The following NAA15 variants were observed in gnomAD, a reference collection of about 807,000 sequenced individuals.
The protein encoded by NAA15 is N-terminal acetyltransferase.
Under a neutral mutation model 114.0 loss-of-function variants are expected in NAA15, and 34 were observed. The ratio of observed to expected loss-of-function variants is 0.30; its 90% CI spans 0.23 to 0.40. NAA15 has a LOEUF of 0.40. Among genes scored for constraint, NAA15 ranks in the 10% least tolerant of loss-of-function variants. The pLI is 1.00. For synonymous variants in NAA15, 340 were observed against 338.0 expected, an observed-to-expected ratio of 1.01 and a Z score of -0.06; for missense variants, 658 against 1,004.5, an observed-to-expected ratio of 0.66 and a Z score of 4.66.
At chr4:139,324,979 A>G (rs992626609) in intron 1 of NAA15, among the ~76,000 whole-genome samples, 2 of 152,232 alleles carry the variant, frequency 1.3e-5, no homozygotes, top group Non-Finnish European at 2.9e-5. Context: ...GGCATTGAAT[A>G]TAATTTCAAT....
chr4:139,312,659 C>CAT (rs1746260239), intron 1 of NAA15, among the ~76,000 whole-genome samples: 1 of 151,698 alleles, frequency 6.6e-6, no homozygotes, highest in South Asian at 2.1e-4. Context: ...GCCTGGGCAA[C>CAT]ATAGCAAGGC....
intron 15 of NAA15, among the ~76,000 whole-genome samples, chr4:139,372,707 T>C (rs1748475307): frequency 6.6e-6 from 1 of 152,016 alleles, no homozygotes; most frequent in Non-Finnish European, 1.5e-5. Flanking sequence ...TTCTGCAGTA[T>C]ATAGTATCTC....
intron 1 of NAA15, among the ~76,000 whole-genome samples, chr4:139,303,212 T>C (rs987597465): frequency 7.9e-5 from 12 of 152,246 alleles, no homozygotes; most frequent in African/African-American, 2.7e-4. Context: ...TTGTTTTGTT[T>C]TAAGACTAAG....
Position 139,301,627 on chromosome 4 carries a change from G to A in NAA15, c.-151G>A. The A allele has an allele frequency of 5.0e-6, 4 of 798,846 alleles. No individual in the cohort carries two copies. Among genetic ancestry groups the A allele is most frequent in the South Asian group, 3.4e-5 (2 of 58,416 alleles). 49.5% of individuals were successfully genotyped at this position (798,846 alleles called of 1,614,324 possible). A position where few individuals can be genotyped will look rare whatever the true frequency, so the allele number is the denominator to read the frequency against. ...ACAACGAGGAAAAAGGAGGTGTCCG[G>A]GTAGGGCAACGCGGCGACACCCGAG... On this transcript the variant is annotated 5_prime_UTR_variant, in exon 1 of 20. Coordinates refer to ENST00000296543, the MANE Select transcript of NAA15 (RefSeq NM_057175.5).
At chr4:139,351,157 T>C in intron 7 of NAA15, 34 bp from the exon 8 acceptor site, 2 of 1,113,902 alleles carry the variant, frequency 1.8e-6, no homozygotes, top group South Asian at 1.8e-5. Flanking sequence ...CAATTTATGA[T>C]TATATATAAC....
chr4:139,307,591 T>G (rs1430986363), intron 1 of NAA15, among the ~76,000 whole-genome samples: 2 of 152,240 alleles, frequency 1.3e-5, no homozygotes, highest in Admixed American at 6.5e-5. Context: ...TATTGCACAC[T>G]TGAAATATGG....
intron 5 of NAA15, among the ~76,000 whole-genome samples, chr4:139,343,762 T>C (rs552698769): frequency 6.6e-6 from 1 of 152,378 alleles, no homozygotes; most frequent in Admixed American, 6.5e-5. Flanking sequence ...GTGTTTAATA[T>C]GCAGTTTGAG....
At chr4:139,377,348 C>A (rs1748618369) in intron 16 of NAA15, among the ~76,000 whole-genome samples, 1 of 152,028 alleles carries the variant, frequency 6.6e-6, no homozygotes, top group Non-Finnish European at 1.5e-5. Flanking sequence ...ACCAGCCTGA[C>A]CAACATGGAG....
chr4:139,333,674 G>T (rs1747105121), intron 1 of NAA15, among the ~76,000 whole-genome samples: 1 of 152,168 alleles, frequency 6.6e-6, no homozygotes, highest in Non-Finnish European at 1.5e-5. Flanking sequence ...TGAGTCCTGA[G>T]ATCGCTTGAG....
chr4:139,375,468 C>T (rs765620), intron 15 of NAA15, among the ~76,000 whole-genome samples: 78,337 of 148,462 alleles, frequency 0.53, 22,559 homozygotes, highest in African/African-American at 0.8. Flanking sequence ...CTTTTCTTTT[C>T]TTTTTTTAAA....
At chr4:139,303,521 G>A (rs2110811031) in intron 1 of NAA15, among the ~76,000 whole-genome samples, 1 of 152,226 alleles carries the variant, frequency 6.6e-6, no homozygotes, top group Non-Finnish European at 1.5e-5. Context: ...TCTAGGCTGG[G>A]CACGGTGTCT....
intron 14 of NAA15, among the ~76,000 whole-genome samples, chr4:139,363,977 C>G (rs1304009962): frequency 6.6e-6 from 1 of 152,208 alleles, no homozygotes; most frequent in Non-Finnish European, 1.5e-5. Flanking sequence ...AGCTCCTGGG[C>G]TCAGGCAGTC....
Position 139,361,952 on chromosome 4 carries a change from G to A in NAA15, c.1753+15G>A, listed in dbSNP as rs1748145327. On this transcript the variant is annotated intron_variant, in intron 14 of 19. Coordinates refer to ENST00000296543, the MANE Select transcript of NAA15 (RefSeq NM_057175.5). Reference sequence around the variant, plus strand: ...AGCTGATACAGGTATAATATTCAGAGTTCTTCTTGTGCTCTGATGTGTTTA... The same window carrying A: ...AGCTGATACAGGTATAATATTCAGAATTCTTCTTGTGCTCTGATGTGTTTA... 6.4e-7 allele frequency: 1 copy of A among 1,567,714 alleles called. No homozygotes were observed. The highest frequency in any genetic ancestry group is 8.8e-7 in the Non-Finnish European group (1 of 1,140,036).
chr4:139,371,301 A>G (rs1411874080), intron 15 of NAA15, among the ~76,000 whole-genome samples: 1 of 152,024 alleles, frequency 6.6e-6, no homozygotes, highest in Non-Finnish European at 1.5e-5. Flanking sequence ...AGACATAGTG[A>G]TATTGCTATG....
chr4:139,309,720 T>A (rs946492531), intron 1 of NAA15, among the ~76,000 whole-genome samples: 2 of 152,184 alleles, frequency 1.3e-5, no homozygotes, highest in Non-Finnish European at 2.9e-5. Context: ...AAATATTTTT[T>A]AAAAATTCTT....
chr4:139,321,471 G>GT (rs909254599), intron 1 of NAA15, among the ~76,000 whole-genome samples: 16,491 of 113,208 alleles, frequency 0.15, 2,014 homozygotes, highest in African/African-American at 0.32. Context: ...GCCCTTATTT[G>GT]TTTTTTTTTT....
At chr4:139,342,209 G>T (rs1410094119) in intron 4 of NAA15, among the ~76,000 whole-genome samples, 1 of 151,832 alleles carries the variant, frequency 6.6e-6, no homozygotes, top group South Asian at 2.1e-4. Flanking sequence ...TTTTTCCTTT[G>T]TGCTGTTCTT....
chr4:139,337,481 TACCC>T (rs1278644064), intron 3 of NAA15, among the ~76,000 whole-genome samples: 3 of 152,190 alleles, frequency 2.0e-5, no homozygotes, highest in Non-Finnish European at 4.4e-5. Flanking sequence ...GGGATAATCA[TACCC>T]ACCTCACTGT....
At position 139,370,243 on chromosome 4, in the gene NAA15, C is replaced by T. The variant is rs1293081829; in HGVS notation, c.1786C>T (p.Arg596Cys). Reference protein sequence around the residue: ...NMSDKELKKLRNKQRRAQKKA... With the variant: ...NMSDKELKKLCNKQRRAQKKA... ...GTCTGACAAAGAGCTAAAGAAGCTA[C>T]GTAATAAACAAAGAAGAGCTCAAAA... The change falls in exon 15 of 20, where the codon CGT becomes TGT. Residue 596 changes from arginine (R) to cysteine (C), a missense_variant. This residue lies in a region of NAA15 where 275 missense variants were observed against 371.1 expected (regional missense o/e 0.74). Transcript: ENST00000296543. 7 of 1,539,952 alleles carry T rather than the reference C, an allele frequency of 4.5e-6. No homozygotes were observed. Among genetic ancestry groups the T allele is most frequent in the African/African-American group, 1.4e-5 (1 of 71,020 alleles).
Sources: gnomAD v4.1 joint callset for allele counts (sites outside exome capture counted in the v4.1 genomes callset) on GRCh38, gnomAD v4.1.1 for gene constraint, gnomAD v4.1.1 regional missense constraint, MANE v1.5 for transcripts, NCBI Gene and HGNC (gene_info 2026-07-23, HGNC 2026-07-21) for gene names.